The following NBAS variants were observed in gnomAD, a reference collection of about 807,000 sequenced individuals.
The protein encoded by NBAS is NBAS subunit of NRZ tethering complex.
NBAS carries 219 observed loss-of-function variants against 302.5 expected under a neutral mutation model. That is an observed-to-expected ratio of 0.72 (90% confidence interval 0.65 to 0.81). NBAS has a LOEUF of 0.81. Ranked by LOEUF, NBAS falls within the 30% of genes least tolerant of loss-of-function variation. NBAS has a pLI of 0.00. For synonymous variants in NBAS, 1,118 were observed against 1,021.6 expected, an observed-to-expected ratio of 1.09 and a Z score of -1.80; for missense variants, 2,932 against 2,841.6, an observed-to-expected ratio of 1.03 and a Z score of -0.72.
At chr2:14,980,274 T>C in the NBAS span, among the ~76,000 whole-genome samples, 1 of 152,062 alleles carries the variant, frequency 6.6e-6, no homozygotes, top group Non-Finnish European at 1.5e-5. Flanking sequence ...CCTCACTCCA[T>C]GCAACTCCCA....
chr2:15,517,481 T>C (rs1353214945), intron 9 of NBAS, among the ~76,000 whole-genome samples: 1 of 152,020 alleles, frequency 6.6e-6, no homozygotes, highest in Non-Finnish European at 1.5e-5. Flanking sequence ...ATAATGGAAG[T>C]AGGGAATTTT....
chr2:15,285,035 C>T (rs1336698238), intron 42 of NBAS, among the ~76,000 whole-genome samples: 1 of 151,940 alleles, frequency 6.6e-6, no homozygotes, highest in African/African-American at 2.4e-5. Context: ...ACGTAACATT[C>T]AATGAAAGAA....
the NBAS span, among the ~76,000 whole-genome samples, chr2:14,995,235 A>G: frequency 3.3e-5 from 5 of 150,920 alleles, no homozygotes; most frequent in Non-Finnish European, 5.9e-5. Context: ...AACAGGCCCC[A>G]GTGTGTGATG....
At chr2:14,943,380 C>T in the NBAS span, among the ~76,000 whole-genome samples, 6 of 152,210 alleles carry the variant, frequency 3.9e-5, no homozygotes, top group Non-Finnish European at 8.8e-5. Context: ...AACCCAGAGG[C>T]TGGAAACATT....
At chr2:14,922,657 C>A in the NBAS span, among the ~76,000 whole-genome samples, 1 of 152,212 alleles carries the variant, frequency 6.6e-6, no homozygotes, top group African/African-American at 2.4e-5. Context: ...CTTAAAGACC[C>A]TATCACCAAA....
At chr2:15,252,547 T>C (rs918689052) in intron 44 of NBAS, among the ~76,000 whole-genome samples, 5 of 151,514 alleles carry the variant, frequency 3.3e-5, no homozygotes, top group Non-Finnish European at 7.4e-5. Context: ...AAAAAGAACA[T>C]AGCATGACTT....
At chr2:15,485,468 G>T (rs1466733778) in intron 12 of NBAS, among the ~76,000 whole-genome samples, 2 of 152,092 alleles carry the variant, frequency 1.3e-5, no homozygotes, top group African/African-American at 4.8e-5. Context: ...TCTTTTTGTT[G>T]TTTTATGTAT....
At chr2:15,293,231 G>A (rs1326343283) in intron 40 of NBAS, among the ~76,000 whole-genome samples, 1 of 152,044 alleles carries the variant, frequency 6.6e-6, no homozygotes, top group Non-Finnish European at 1.5e-5. Context: ...CACTATAAAT[G>A]GCTAGACCCC....
the NBAS span, among the ~76,000 whole-genome samples, chr2:14,934,128 T>A: frequency 1.2e-4 from 18 of 152,176 alleles, no homozygotes; most frequent in Admixed American, 1.2e-3. Context: ...CTAGATCATT[T>A]TGTATTTAAA....
the NBAS span, among the ~76,000 whole-genome samples, chr2:14,912,411 A>T: frequency 6.6e-6 from 1 of 151,784 alleles, no homozygotes; most frequent in Non-Finnish European, 1.5e-5. Context: ...ACCCTTCATT[A>T]CCTCACCTCA....
chr2:15,558,526 A>G, intron 2 of NBAS, 54 bp downstream of exon 2: 1 of 1,456,880 alleles, frequency 6.9e-7, no homozygotes, highest in Non-Finnish European at 9.6e-7. Context: ...AGTCTAAAGA[A>G]CACATTTTAA....
intron 5 of NBAS, among the ~76,000 whole-genome samples, chr2:15,553,076 ATCCCTAC>A (rs1664459831): frequency 6.6e-6 from 1 of 152,118 alleles, no homozygotes; most frequent in Admixed American, 6.6e-5. Flanking sequence ...GTGCTGAACC[ATCCCTAC>A]TCTTTTACAC....
chr2:15,502,825 C>T (rs1163269922), intron 11 of NBAS, among the ~76,000 whole-genome samples: 1 of 152,142 alleles, frequency 6.6e-6, no homozygotes, highest in Non-Finnish European at 1.5e-5. Flanking sequence ...TTTCTTTCCT[C>T]AATAATAAAT....
intron 35 of NBAS, among the ~76,000 whole-genome samples, chr2:15,342,304 A>G (rs901672140): frequency 6.6e-6 from 1 of 152,124 alleles, no homozygotes; most frequent in Non-Finnish European, 1.5e-5. Context: ...TAAAATAAAT[A>G]AATCAAAAAA....
the NBAS span, among the ~76,000 whole-genome samples, chr2:15,038,564 A>G: frequency 6.6e-6 from 1 of 152,204 alleles, no homozygotes; most frequent in African/African-American, 2.4e-5. Context: ...CACCAGCCAC[A>G]GACATCTGCT....
At position 15,374,738 on chromosome 2, in the gene NBAS, A is replaced by C. The variant is rs777799046; in HGVS notation, c.3591-18T>G. The C allele has an allele frequency of 3.1e-6, 5 of 1,599,064 alleles. No individual in the cohort carries two copies. The highest frequency in any genetic ancestry group is 4.3e-6 in the Non-Finnish European group (5 of 1,166,604). On this transcript the variant is annotated intron_variant, in intron 30 of 51. Coordinates refer to ENST00000281513, the MANE Select transcript of NBAS (RefSeq NM_015909.4). ...AGCAGCACCTAGAAGAAATTAGATA[A>C]ATTTTTAAAAAGAAGCAACATATGT...
At chr2:14,963,254 T>C in the NBAS span, among the ~76,000 whole-genome samples, 4 of 151,986 alleles carry the variant, frequency 2.6e-5, no homozygotes, top group East Asian at 7.7e-4. Context: ...GGTGACAGAG[T>C]GAGACTCCAT....
chr2:14,824,081 A>G, the NBAS span, among the ~76,000 whole-genome samples: 1 of 152,220 alleles, frequency 6.6e-6, no homozygotes, highest in Non-Finnish European at 1.5e-5. Flanking sequence ...ACGTGTTGCA[A>G]GCAGCATCTC....
At chr2:14,935,960 C>T in the NBAS span, among the ~76,000 whole-genome samples, 880 of 152,290 alleles carry the variant, frequency 5.8e-3, 6 homozygotes, top group African/African-American at 0.019. Context: ...CTCAGTAGAA[C>T]ACTGGCCAAT....
Sources: gnomAD v4.1 joint callset for allele counts (sites outside exome capture counted in the v4.1 genomes callset) on GRCh38, gnomAD v4.1.1 for gene constraint, MANE v1.5 for transcripts, NCBI Gene and HGNC (gene_info 2026-07-23, HGNC 2026-07-21) for gene names.